Variants in RGS7 observed in about 807,000 individuals in gnomAD.
RGS7 encodes regulator of G protein signaling 7.
RGS7 carries 27 observed loss-of-function variants against 81.1 expected under a neutral mutation model. That is an observed-to-expected ratio of 0.33 (90% CI 0.25 to 0.46). The LOEUF is 0.46. Ranked by LOEUF, RGS7 falls within the 20% of genes least tolerant of loss-of-function variation. The pLI is 1.00. For missense variants in RGS7, 396 were observed against 607.4 expected, an observed-to-expected ratio of 0.65 and a Z score of 3.66; for synonymous variants, 208 against 207.7, an observed-to-expected ratio of 1.00 and a Z score of -0.01.
intron 2 of RGS7, among the ~76,000 whole-genome samples, chr1:241,312,379 T>G (rs761454670): frequency 7.2e-5 from 11 of 152,210 alleles, no homozygotes; most frequent in Non-Finnish European, 1.6e-4. Flanking sequence ...AACTGAAAGT[T>G]TGTGACAACT....
At chr1:240,985,175 T>C (rs941926678) in intron 3 of RGS7, among the ~76,000 whole-genome samples, 9 of 152,222 alleles carry the variant, frequency 5.9e-5, no homozygotes, top group African/African-American at 2.2e-4. Flanking sequence ...TTTTCACATA[T>C]ACATGTAGTG....
intron 2 of RGS7, among the ~76,000 whole-genome samples, chr1:241,324,584 T>C (rs188476339): frequency 6.6e-6 from 1 of 152,338 alleles, no homozygotes; most frequent in East Asian, 1.9e-4. Flanking sequence ...TCTAATTAAA[T>C]ACTCTTCTGG....
chr1:241,216,455 C>T (rs1007904948), intron 2 of RGS7, among the ~76,000 whole-genome samples: 3 of 152,010 alleles, frequency 2.0e-5, no homozygotes, highest in Non-Finnish European at 2.9e-5. Context: ...TTTAGAAAAA[C>T]GTTTTTACCA....
rs553381540 is a variant in RGS7 at position 241,290,151 on chromosome 1, T to A, written c.78+65548A>T. Among the ~76,000 whole-genome samples, 6 of 152,316 alleles carry A rather than the reference T, an allele frequency of 3.9e-5. No individual in the cohort carries two copies. The East Asian group carries it at 1.2e-3, about 29-fold the overall frequency. ...AGTAGGGTTTATATGTACAGGTGTT[T>A]GTAAATGAGAAGTTTGTAATTTAGG... On this transcript the variant is annotated intron_variant, in intron 2 of 18. Transcript: ENST00000440928.
chr1:241,132,306 TG>T (rs1288577364), intron 2 of RGS7: 4 of 154,770 alleles, frequency 2.6e-5, no homozygotes, highest in African/African-American at 9.6e-5. Flanking sequence ...CATTTCCACA[TG>T]GAGAGTGGAG....
chr1:241,323,589 A>T (rs146294778), intron 2 of RGS7, among the ~76,000 whole-genome samples: 1 of 152,382 alleles, frequency 6.6e-6, no homozygotes, highest in African/African-American at 2.4e-5. Flanking sequence ...GAACTACTGT[A>T]AGTCAATGAT....
chr1:241,135,406 G>A (rs997768172), intron 2 of RGS7, among the ~76,000 whole-genome samples: 2 of 152,096 alleles, frequency 1.3e-5, no homozygotes, highest in African/African-American at 4.8e-5. Flanking sequence ...CAGCCTGGGC[G>A]ACAGAGCGAG....
At chr1:241,353,835 A>G (rs1350032385) in intron 2 of RGS7, among the ~76,000 whole-genome samples, 1 of 151,998 alleles carries the variant, frequency 6.6e-6, no homozygotes, top group African/African-American at 2.4e-5. Flanking sequence ...CACTGTGTAG[A>G]GTAAACCCAA....
chr1:240,865,427 T>C (rs888249070), intron 9 of RGS7, among the ~76,000 whole-genome samples: 25 of 152,338 alleles, frequency 1.6e-4, no homozygotes, highest in African/African-American at 5.8e-4. Flanking sequence ...CTCTCTGGTA[T>C]TTTCCTACAC....
intron 1 of RGS7, among the ~76,000 whole-genome samples, chr1:241,356,370 C>T (rs1020153389): frequency 2.0e-5 from 3 of 152,190 alleles, no homozygotes; most frequent in African/African-American, 7.2e-5. Context: ...CCACACAGAG[C>T]CGGAGTATAT....
At chr1:240,890,309 C>T (rs965984477) in intron 6 of RGS7, among the ~76,000 whole-genome samples, 3 of 152,064 alleles carry the variant, frequency 2.0e-5, no homozygotes, top group Non-Finnish European at 4.4e-5. Context: ...TGCGCCACCA[C>T]ACCCAGCTAA....
chr1:240,932,651 G>A (rs12744630), intron 5 of RGS7, among the ~76,000 whole-genome samples: 6,675 of 150,630 alleles, frequency 0.044, 197 homozygotes, highest in Non-Finnish European at 0.065. Context: ...TGGGACTACA[G>A]GTGCCCGCCA....
intron 6 of RGS7, among the ~76,000 whole-genome samples, chr1:240,897,463 C>A (rs1171818639): frequency 1.3e-5 from 2 of 152,196 alleles, no homozygotes. Flanking sequence ...CCCATCAATA[C>A]CTAGTTTATT....
At chr1:241,274,756 T>G (rs898882119) in intron 2 of RGS7, among the ~76,000 whole-genome samples, 1 of 152,222 alleles carries the variant, frequency 6.6e-6, no homozygotes, top group African/African-American at 2.4e-5. Context: ...GGAAATGCCC[T>G]GTGGTTACAC....
At chr1:240,930,852 C>T (rs1675323417) in intron 5 of RGS7, 84 bp from the exon 6 acceptor site, 1 of 1,256,624 alleles carries the variant, frequency 8.0e-7, no homozygotes, top group Non-Finnish European at 1.2e-6. Context: ...ATTTATCTTC[C>T]ACAATTCTCT....
chr1:241,328,273 A>C (rs1558323213), intron 2 of RGS7, among the ~76,000 whole-genome samples: 2 of 152,208 alleles, frequency 1.3e-5, no homozygotes, highest in Non-Finnish European at 2.9e-5. Context: ...ACCTTGTTCC[A>C]ATCATTTAGC....
chr1:240,827,800 G>T (rs1258448723), intron 9 of RGS7, among the ~76,000 whole-genome samples: 1 of 140,754 alleles, frequency 7.1e-6, no homozygotes, highest in Admixed American at 7.7e-5. Flanking sequence ...GGAGGTGGAG[G>T]TTGCAGTGAG....
chr1:241,162,222 G>GCCCCCCCCCCCCCCCCCCCCCCCCCCC (rs68166816), intron 2 of RGS7, among the ~76,000 whole-genome samples: 1 of 142,028 alleles, frequency 7.0e-6, no homozygotes, highest in Non-Finnish European at 1.6e-5. Context: ...CTGGTGATCA[G>GCCCCCCCCCCCCCCCCCCCCCCCCCCC]CTTCCAAATA....
At chr1:240,989,819 T>C (rs995111225) in intron 3 of RGS7, among the ~76,000 whole-genome samples, 2 of 152,076 alleles carry the variant, frequency 1.3e-5, no homozygotes, top group Non-Finnish European at 2.9e-5. Context: ...TATAAAAACA[T>C]AAACTTATCA....
Sources: allele counts gnomAD v4.1 joint callset (sites outside exome capture counted in the v4.1 genomes callset), GRCh38; gene constraint gnomAD v4.1.1; transcripts MANE v1.5; gene names NCBI Gene and HGNC (gene_info 2026-07-23, HGNC 2026-07-21).